KATNIP: variants seen among roughly 807,000 people sequenced by gnomAD.
The protein encoded by KATNIP is katanin interacting protein, also known as katanin-interacting protein.
In KATNIP, 126 loss-of-function variants were observed where a neutral mutation model predicts 174.0. The ratio of observed to expected loss-of-function variants is 0.72; its 90% CI spans 0.63 to 0.84. KATNIP has a LOEUF of 0.84. Among genes scored for constraint, KATNIP ranks in the 40% least tolerant of loss-of-function variants. The pLI is 0.00. For missense variants in KATNIP, 1,958 were observed against 2,109.7 expected (o/e 0.93, Z 1.41); for synonymous variants, 810 against 835.7 (o/e 0.97, Z 0.53).
intron 6 of KATNIP, among the ~76,000 whole-genome samples, chr16:27,663,152 CTTTTTTTTTTT>C (rs11440523): frequency 0.011 from 876 of 80,058 alleles, 17 homozygotes; most frequent in African/African-American, 0.041. Flanking sequence ...TTTTCTTCTT[CTTTTTTTTTTT>C]TTTTTTTTTT....
intron 8 of KATNIP, among the ~76,000 whole-genome samples, chr16:27,690,370 TA>T (rs1244266851): frequency 2.3e-5 from 3 of 130,862 alleles, no homozygotes; most frequent in Admixed American, 7.7e-5. Flanking sequence ...AGATGATAGA[TA>T]GATAGATAGA....
chr16:27,649,072 A>C (rs1184398273), intron 6 of KATNIP, among the ~76,000 whole-genome samples: 2 of 152,206 alleles, frequency 1.3e-5, no homozygotes, highest in Middle Eastern at 3.2e-3. Context: ...GGCTTCCTAG[A>C]GGGAGTGACT....
intron 19 of KATNIP, among the ~76,000 whole-genome samples, chr16:27,762,035 G>C (rs914003769): frequency 5.3e-5 from 8 of 152,192 alleles, no homozygotes; most frequent in Non-Finnish European, 1.5e-5. Context: ...CACAGGCGGT[G>C]GTGGCTGCAC....
chr16:27,728,045 T>C (rs958357160), intron 14 of KATNIP, among the ~76,000 whole-genome samples: 5 of 151,676 alleles, frequency 3.3e-5, no homozygotes, highest in Admixed American at 3.3e-4. Flanking sequence ...AGACCAAACA[T>C]GTCAATGACT....
chr16:27,602,934 A>G (rs1467858975), intron 2 of KATNIP, among the ~76,000 whole-genome samples: 1 of 152,174 alleles, frequency 6.6e-6, no homozygotes. Context: ...CCTGGGCTCA[A>G]AGTGATCCTC....
At position 27,769,912 on chromosome 16, in the gene KATNIP, G is replaced by A. The variant is rs1335496068; in HGVS notation, c.4027G>A (p.Gly1343Ser). 1.2e-6 allele frequency: 2 copies of A among 1,614,218 alleles called. No homozygotes were observed. The highest frequency in any genetic ancestry group is 3.3e-5 in the Admixed American group (2 of 60,026). The change falls in exon 21 of 28, where the codon GGC becomes AGC. Residue 1343 changes from glycine to serine, a missense_variant. Physicochemically the swap from Gly to Ser is moderately conservative, Grantham distance 56. This residue lies in a region of KATNIP where 383 missense variants were observed against 456.0 expected (regional missense o/e 0.84). Coordinates refer to ENST00000261588, the MANE Select transcript of KATNIP (RefSeq NM_015202.5). ...LDGLCVSPPE[G>S]FLIRKGPGNC... ...TGGCCTGTGCGTCTCCCCGCCAGAG[G>A]GCTTTCTCATCCGGAAGGGGCCAGG...
At chr16:27,685,583 G>A (rs2078492105) in intron 8 of KATNIP, among the ~76,000 whole-genome samples, 1 of 152,126 alleles carries the variant, frequency 6.6e-6, no homozygotes, top group Non-Finnish European at 1.5e-5. Context: ...ATTTAATAAA[G>A]ATCAGATTAC....
In KATNIP at chr16:27,754,247, A is replaced by T; in HGVS notation, c.3627A>T (p.Gly1209=). ...VTTPEPGIYH[G]ICLQLNFTAS... ...CGCCAGAGCCAGGCATCTACCACGG[A>T]ATCTGTGAGTAGCTCTCCTGGAGCA... Residue 1209 remains glycine, a synonymous_variant, in exon 18 of 28, where the codon GGA becomes GGT. Transcript: ENST00000261588. 6.2e-7 allele frequency: 1 copy of T among 1,613,600 alleles called. No individual in the cohort carries two copies. Among genetic ancestry groups the T allele is most frequent in the Non-Finnish European group, 8.5e-7 (1 of 1,179,484 alleles).
At position 27,762,152 on chromosome 16, in the gene KATNIP, A is replaced by C. The variant is rs114719831; in HGVS notation, c.3809+562A>C. ...CACATGGACCTGCAGCCCACAGACC[A>C]GCACTCAGTTCCCCTGCCCTGCACA... is the stretch of plus-strand genomic sequence containing the variant. On this transcript the variant is annotated intron_variant, in intron 19 of 27. Transcript: ENST00000261588. 3.0e-3 allele frequency among the ~76,000 whole-genome samples: 457 copies of C among 152,322 alleles called. 4 individuals carry two copies. Among genetic ancestry groups the C allele is most frequent in the African/African-American group, 9.5e-3 (396 of 41,578 alleles).
At chr16:27,694,815 A>T (rs71377614) in intron 8 of KATNIP, among the ~76,000 whole-genome samples, 25,317 of 151,652 alleles carry the variant, frequency 0.17, 2,280 homozygotes, top group African/African-American at 0.23. Flanking sequence ...ATAAATAAAT[A>T]AATAAATTTA....
chr16:27,740,544 G>C lies in KATNIP; in HGVS notation c.2247G>C (p.Gly749=). The change falls in exon 15 of 28, where the codon GGG becomes GGC. Residue 749 remains glycine (G), a synonymous_variant. Transcript: ENST00000261588. ...LMGRKICEPP[G]KTPSWLQPSP... Reference sequence around the variant, plus strand: ...GCAGAAAAATCTGTGAGCCACCCGGGAAAACCCCATCCTGGTTACAACCTT... The same window carrying C: ...GCAGAAAAATCTGTGAGCCACCCGGCAAAACCCCATCCTGGTTACAACCTT... 6.2e-7 allele frequency: 1 copy of C among 1,614,102 alleles called. No homozygotes were observed. The highest frequency in any genetic ancestry group is 1.1e-5 in the South Asian group (1 of 91,080).
intron 5 of KATNIP, among the ~76,000 whole-genome samples, chr16:27,642,029 T>C (rs1374558074): frequency 6.6e-6 from 1 of 152,162 alleles, no homozygotes; most frequent in Non-Finnish European, 1.5e-5. Flanking sequence ...TGGATGTAAA[T>C]TGAGTAGTTT....
Position 27,775,010 on chromosome 16 carries a change from G to A in KATNIP, c.4375G>A (p.Asp1459Asn). The change falls in exon 24 of 28, where the codon GAC becomes AAC. Residue 1459 changes from aspartate to asparagine, a missense_variant. Asp to Asn is a conservative substitution (Grantham distance 23, BLOSUM62 1). Transcript: ENST00000261588. ...TGTGGGCGGGGACGTCCGCACCCCA[G>A]ACAAGCTCATCGACCAAGTGAACGA... ...EGVGGDVRTP[D>N]KLIDQVNDTS... The A allele has an allele frequency of 2.5e-6, 4 of 1,613,810 alleles. No homozygotes were observed. The African/African-American group carries it at 4.0e-5, about 16-fold the overall frequency.
At chr16:27,735,552 T>C (rs894420450) in intron 14 of KATNIP, among the ~76,000 whole-genome samples, 1 of 152,242 alleles carries the variant, frequency 6.6e-6, no homozygotes, top group East Asian at 1.9e-4. Flanking sequence ...GCACTTGCTC[T>C]GTGCCTCTGC....
rs747738613 is a variant in KATNIP, at chr16:27,769,733, G to A, written c.3976-128G>A. 48 of 1,085,640 alleles carry A rather than the reference G, an allele frequency of 4.4e-5. No individual in the cohort carries two copies. The South Asian group carries it at 5.6e-4, about 13-fold the overall frequency. The allele number at this position is 1,085,640 out of a possible 1,614,324, so 67.3% of individuals were successfully genotyped here. ...GCACCTGATATGGGAAATGGACCTC[G>A]GTCAGGTGGCTCTGCGAAAGGCTCC... On this transcript the variant is annotated intron_variant, in intron 20 of 27. Transcript: ENST00000261588.
At chr16:27,594,608 G>T (rs2075281560) in intron 2 of KATNIP, among the ~76,000 whole-genome samples, 1 of 151,922 alleles carries the variant, frequency 6.6e-6, no homozygotes, top group Non-Finnish European at 1.5e-5. Flanking sequence ...AATAAAGCTT[G>T]GTGTTTTTTG....
intron 2 of KATNIP, among the ~76,000 whole-genome samples, chr16:27,600,268 T>C (rs2075473336): frequency 6.6e-6 from 1 of 152,184 alleles, no homozygotes; most frequent in South Asian, 2.1e-4. Context: ...TCAGAGAGAA[T>C]GAGCATTTGC....
In KATNIP at chr16:27,662,027, TATATATATATATATACACATAC is replaced by T. The variant is rs1364741578; in HGVS notation, c.540+13308_540+13329del. On this transcript the variant is annotated intron_variant, in intron 6 of 27. Coordinates refer to ENST00000261588, the MANE Select transcript of KATNIP (RefSeq NM_015202.5). ...ATATATATATATATACACATACATA[TATATATATATATATACACATAC>T]ATATATATATATATATATATATACA... Among the ~76,000 whole-genome samples the T allele has an allele frequency of 5.8e-4, 26 of 44,706 alleles. 7 individuals carry two copies. Among genetic ancestry groups the T allele is most frequent in the African/African-American group, 2.1e-3 (17 of 7,938 alleles). 29.3% of individuals were successfully genotyped at this position (44,706 alleles called of 152,430 possible).
At chr16:27,631,248 A>AC in intron 5 of KATNIP, 86 bp downstream of exon 5, 1 of 1,065,874 alleles carries the variant, frequency 9.4e-7, no homozygotes, top group South Asian at 1.4e-5. Flanking sequence ...AGCATTTAAA[A>AC]CCCCCATGGG....
Sources: allele counts gnomAD v4.1 joint callset (sites outside exome capture counted in the v4.1 genomes callset), GRCh38; gene constraint gnomAD v4.1.1; regional missense constraint gnomAD v4.1.1; transcripts MANE v1.5; gene names NCBI Gene and HGNC (gene_info 2026-07-23, HGNC 2026-07-21).